The following ZNF469 variants were observed in gnomAD, a reference collection of about 807,000 sequenced individuals.
ZNF469 encodes the protein zinc finger protein 469.
ZNF469 carries 1 observed loss-of-function variant against 1.0 expected under a neutral mutation model. The ratio of observed to expected loss-of-function variants is 1.00; its 90% CI spans 0.35 to 4.73. ZNF469 has a LOEUF of 4.73. Among genes scored for constraint, ZNF469 ranks in the 30% most tolerant of loss-of-function variants. The probability of loss-of-function intolerance (pLI) is 0.16; values close to 1 mark genes in which losing one functional copy is unlikely to be tolerated. For missense variants in ZNF469, 6,100 were observed against 5,356.3 expected, an observed-to-expected ratio of 1.14 and a Z score of -4.33; for synonymous variants, 2,703 against 2,363.4, an observed-to-expected ratio of 1.14 and a Z score of -4.17.
At chr16:88,272,707 C>T in the ZNF469 span, among the ~76,000 whole-genome samples, 12 of 147,050 alleles carry the variant, frequency 8.2e-5, no homozygotes, top group Non-Finnish European at 1.2e-4. Context: ...GATGGATGAA[C>T]GGGTGGGTGT....
Position 88,435,098 on chromosome 16 carries a change from G to T in ZNF469, c.7628G>T (p.Arg2543Leu), listed in dbSNP as rs771550262. The change falls in exon 3 of 3, where the codon CGG (arginine) becomes CTG (leucine). Residue 2543 changes from arginine to leucine, a missense_variant. Physicochemically the swap from Arg to Leu is moderately radical, Grantham distance 102. Coordinates refer to ENST00000565624, the MANE Select transcript of ZNF469 (RefSeq NM_001367624.2). ...GGGAAGGAGAGACCAAATCACTCAC[G>T]GGGAGACCCCAGCCACGTCACCCAG... ...VSGKERPNHS[R>L]GDPSHVTQPP... is the part of the protein sequence containing the mutation. 1 of 1,550,372 alleles carries T rather than the reference G, an allele frequency of 6.5e-7. No homozygotes were observed. Among genetic ancestry groups the T allele is most frequent in the South Asian group, 1.2e-5 (1 of 84,056 alleles).
At chr16:88,349,213 CTG>C in the ZNF469 span, among the ~76,000 whole-genome samples, 1 of 152,306 alleles carries the variant, frequency 6.6e-6, no homozygotes, top group Non-Finnish European at 1.5e-5. Flanking sequence ...GAGCAGGAAA[CTG>C]AGGCCATGAG....
chr16:88,273,444 T>G, the ZNF469 span, among the ~76,000 whole-genome samples: 1 of 151,968 alleles, frequency 6.6e-6, no homozygotes, highest in African/African-American at 2.4e-5. Flanking sequence ...CACACTGACA[T>G]ACCACCTCAC....
chr16:88,239,654 AT>A, the ZNF469 span, among the ~76,000 whole-genome samples: 20,075 of 46,208 alleles, frequency 0.43, 4,894 homozygotes, highest in African/African-American at 0.64. Context: ...CGCCCGGCTT[AT>A]TTTTTTTTTT....
the ZNF469 span, chr16:88,192,050 G>C: frequency 6.6e-6 from 1 of 152,254 alleles, no homozygotes; most frequent in African/African-American, 2.4e-5. Context: ...AGAGGAAGAG[G>C]CTGGAGCTCC....
intron 1 of ZNF469, among the ~76,000 whole-genome samples, chr16:88,414,712 G>A (rs1419700404): frequency 6.6e-6 from 1 of 152,242 alleles, no homozygotes; most frequent in Non-Finnish European, 1.5e-5. Context: ...CGTCCCAGTG[G>A]GGGGTAACTT....
chr16:88,305,355 C>T, the ZNF469 span, among the ~76,000 whole-genome samples: 1 of 151,022 alleles, frequency 6.6e-6, no homozygotes, highest in Non-Finnish European at 1.5e-5. Flanking sequence ...CACATGCACA[C>T]ACATGCTCAC....
chr16:88,370,642 G>A, the ZNF469 span, among the ~76,000 whole-genome samples: 6 of 152,156 alleles, frequency 3.9e-5, no homozygotes, highest in Non-Finnish European at 8.8e-5. Context: ...GTCCTGAAGC[G>A]TGTGAGTCTC....
the ZNF469 span, among the ~76,000 whole-genome samples, chr16:88,225,957 C>T: frequency 2.1e-3 from 315 of 152,162 alleles, 1 homozygote; most frequent in African/African-American, 7.0e-3. Flanking sequence ...TCCTGGCTGT[C>T]TCAGGACACC....
At chr16:88,221,176 C>T in the ZNF469 span, among the ~76,000 whole-genome samples, 26 of 152,328 alleles carry the variant, frequency 1.7e-4, no homozygotes, top group African/African-American at 6.0e-4. Flanking sequence ...ATAGAGCAGG[C>T]CTCACACCAG....
At chr16:88,319,792 A>G in the ZNF469 span, among the ~76,000 whole-genome samples, 2 of 152,144 alleles carry the variant, frequency 1.3e-5, no homozygotes, top group African/African-American at 4.8e-5. Context: ...CTTCGCAGCT[A>G]GAGGACTCCC....
At position 88,401,469 on chromosome 16, in the gene ZNF469, A is replaced by AGATG. The variant is rs57440613; in HGVS notation, c.-192+18236_-192+18239dup. Among the ~76,000 whole-genome samples the AGATG allele has an allele frequency of 7.5e-5, 8 of 106,926 alleles. 1 individual carries two copies. The highest frequency in any genetic ancestry group is 2.0e-4 in the African/African-American group (5 of 24,398). 70.1% of individuals were successfully genotyped at this position (106,926 alleles called of 152,430 possible). On this transcript the variant is annotated intron_variant, in intron 1 of 2. Coordinates refer to ENST00000565624, the MANE Select transcript of ZNF469 (RefSeq NM_001367624.2). ...AGAATGGATGGATAGGTGGGTGGGCAGATGGATGGATGGATGGATGGATGC... is the reference window on the plus strand; with the variant it reads ...AGAATGGATGGATAGGTGGGTGGGCAGATGGATGGATGGATGGATGGATGGATGC...
chr16:88,262,072 A>T, the ZNF469 span, among the ~76,000 whole-genome samples: 1 of 152,186 alleles, frequency 6.6e-6, no homozygotes, highest in South Asian at 2.1e-4. This position sits in a 1 kb window ranked among gnomAD's most constrained non-coding sequence, Gnocchi z 4.3. Context: ...ACGAGTGACA[A>T]CCAGGTGAGC....
chr16:88,181,834 G>A, the ZNF469 span, among the ~76,000 whole-genome samples: 5 of 152,234 alleles, frequency 3.3e-5, no homozygotes, highest in Non-Finnish European at 7.3e-5. Flanking sequence ...AACAAAGTCA[G>A]AATGTCACTC....
the ZNF469 span, among the ~76,000 whole-genome samples, chr16:88,197,702 G>A: frequency 3.9e-5 from 6 of 152,206 alleles, no homozygotes; most frequent in South Asian, 2.1e-4. Flanking sequence ...CAGTCACAGC[G>A]TCCGTGGGGC....
intron 1 of ZNF469, among the ~76,000 whole-genome samples, chr16:88,405,634 A>T (rs1199707981): frequency 6.6e-6 from 1 of 152,204 alleles, no homozygotes; most frequent in East Asian, 1.9e-4. Flanking sequence ...CCAAACACCC[A>T]TGAGAGCAGA....
Position 88,428,134 on chromosome 16 carries a change from G to T in ZNF469, c.664G>T (p.Gly222Cys), listed in dbSNP as rs975247998. 6.5e-7 allele frequency: 1 copy of T among 1,550,056 alleles called. No homozygotes were observed. Among genetic ancestry groups the T allele is most frequent in the South Asian group, 1.2e-5 (1 of 84,054 alleles). The change falls in exon 3 of 3, where the codon GGT becomes TGT. Residue 222 changes from glycine (G) to cysteine (C), a missense_variant. Coordinates refer to ENST00000565624, the MANE Select transcript of ZNF469 (RefSeq NM_001367624.2). ...QSRGTSPLQP[G>C]SYPEYQASGA... ...CAGGGGCACCAGCCCCCTCCAGCCCGGTTCCTATCCCGAATACCAGGCCAG... is the reference window on the plus strand; with the variant it reads ...CAGGGGCACCAGCCCCCTCCAGCCCTGTTCCTATCCCGAATACCAGGCCAG...
the ZNF469 span, among the ~76,000 whole-genome samples, chr16:88,364,207 A>G: frequency 6.6e-6 from 1 of 152,198 alleles, no homozygotes; most frequent in Non-Finnish European, 1.5e-5. Context: ...AGCAGCGTTT[A>G]CTGAAAATAC....
At chr16:88,246,771 C>G in the ZNF469 span, among the ~76,000 whole-genome samples, 7 of 150,050 alleles carry the variant, frequency 4.7e-5, no homozygotes, top group East Asian at 2.0e-4. Flanking sequence ...GTGAGTGAAT[C>G]AGTGAGTGAG....
Sources: allele counts gnomAD v4.1 joint callset (sites outside exome capture counted in the v4.1 genomes callset), GRCh38; gene constraint gnomAD v4.1.1; non-coding constraint Gnocchi (gnomAD v3.1); transcripts MANE v1.5; gene names NCBI Gene and HGNC (gene_info 2026-07-23, HGNC 2026-07-21).